Variants in TENM2 observed in about 807,000 individuals in gnomAD.
The protein encoded by TENM2 is teneurin transmembrane protein 2, also known as teneurin-2.
A neutral mutation model predicts 245.2 loss-of-function variants in TENM2; 52 were observed. The observed-to-expected ratio is 0.21, with a 90% CI of 0.17 to 0.27. The LOEUF is 0.27. TENM2 is among the 10% of genes least tolerant of loss of function. The probability of loss-of-function intolerance (pLI) is 1.00; values close to 1 mark genes in which losing one functional copy is unlikely to be tolerated. For synonymous variants in TENM2, 1,363 were observed against 1,438.9 expected, an observed-to-expected ratio of 0.95 and a Z score of 1.19; for missense variants, 3,046 against 3,666.8, an observed-to-expected ratio of 0.83 and a Z score of 4.37.
intron 1 of TENM2, among the ~76,000 whole-genome samples, chr5:167,315,106 T>C (rs905167742): frequency 6.6e-6 from 1 of 152,098 alleles, no homozygotes; most frequent in Non-Finnish European, 1.5e-5. Context: ...TTCATATACA[T>C]TTAGAGTAAG....
intron 13 of TENM2, among the ~76,000 whole-genome samples, chr5:168,181,990 T>G (rs1759943835): frequency 1.3e-5 from 2 of 152,288 alleles, no homozygotes; most frequent in South Asian, 4.1e-4. Flanking sequence ...TTTTACTTCT[T>G]GCAATATTTG....
intron 3 of TENM2, among the ~76,000 whole-genome samples, chr5:167,877,021 A>T (rs1487702880): frequency 1.3e-5 from 2 of 152,156 alleles, no homozygotes; most frequent in African/African-American, 4.8e-5. Flanking sequence ...GAACATCTGA[A>T]CGTAGGAACG....
the TENM2 span, among the ~76,000 whole-genome samples, chr5:167,074,656 C>T: frequency 6.6e-6 from 1 of 152,204 alleles, no homozygotes; most frequent in African/African-American, 2.4e-5. Context: ...GACGTCCAAG[C>T]AACATGTTTT....
chr5:167,925,642 G>A (rs1301400492), intron 3 of TENM2, among the ~76,000 whole-genome samples: 4 of 152,134 alleles, frequency 2.6e-5, no homozygotes, highest in South Asian at 2.1e-4. Flanking sequence ...TTATCATAAA[G>A]AGGCACGCAC....
intron 2 of TENM2, among the ~76,000 whole-genome samples, chr5:167,762,678 C>G (rs1460205646): frequency 6.6e-6 from 1 of 152,232 alleles, no homozygotes; most frequent in African/African-American, 2.4e-5. Context: ...AGATTTACCA[C>G]CACAACTTAC....
chr5:167,026,644 G>A, the TENM2 span, among the ~76,000 whole-genome samples: 6 of 152,138 alleles, frequency 3.9e-5, no homozygotes, highest in East Asian at 1.9e-4. Flanking sequence ...TTTAGCATGC[G>A]CAAGTATGAG....
intron 2 of TENM2, among the ~76,000 whole-genome samples, chr5:167,685,901 A>T (rs915447362): frequency 6.6e-6 from 1 of 152,220 alleles, no homozygotes; most frequent in Non-Finnish European, 1.5e-5. Flanking sequence ...AGCTTGTAGA[A>T]GCAGGTAGTT....
At chr5:167,762,647 T>G (rs1762757460) in intron 2 of TENM2, among the ~76,000 whole-genome samples, 1 of 152,236 alleles carries the variant, frequency 6.6e-6, no homozygotes, top group Admixed American at 6.5e-5. Flanking sequence ...TTCACTTCTG[T>G]GCTTAGGCAA....
At position 167,745,501 on chromosome 5, in the gene TENM2, A is replaced by T. The variant is rs529236465; in HGVS notation, c.503-130485A>T. Among the ~76,000 whole-genome samples the T allele has an allele frequency of 9.8e-4, 149 of 152,306 alleles. 1 individual carries two copies. Among genetic ancestry groups the T allele is most frequent in the African/African-American group, 3.6e-3 (148 of 41,570 alleles). ...CCCTCGGTATTCTCACACACTTTTT[A>T]AAAAATAGCTTTTTGAAGTATAATT... On this transcript the variant is annotated intron_variant, in intron 2 of 28. Transcript: ENST00000518659.
At chr5:167,231,695 C>A in the TENM2 span, among the ~76,000 whole-genome samples, 2 of 152,126 alleles carry the variant, frequency 1.3e-5, no homozygotes, top group East Asian at 1.9e-4. Flanking sequence ...CAAATTGCAG[C>A]CTGACAATGC....
At chr5:168,096,398 A>G (rs1181878475) in intron 8 of TENM2, among the ~76,000 whole-genome samples, 8 of 152,178 alleles carry the variant, frequency 5.3e-5, no homozygotes, top group Non-Finnish European at 1.0e-4. Context: ...TACACAGCCA[A>G]CCTCAAGGAG....
chr5:168,114,187 T>A (rs1436120501), intron 9 of TENM2, among the ~76,000 whole-genome samples: 2 of 152,196 alleles, frequency 1.3e-5, no homozygotes, highest in Non-Finnish European at 2.9e-5. Context: ...GTTACCTCAC[T>A]GAACCCTTCC....
intron 13 of TENM2, among the ~76,000 whole-genome samples, chr5:168,179,087 A>G (rs1044506734): frequency 2.7e-5 from 4 of 149,146 alleles, no homozygotes; most frequent in African/African-American, 9.9e-5. Context: ...GTGAGTCGAG[A>G]TCGAGCCACT....
intron 3 of TENM2, among the ~76,000 whole-genome samples, chr5:167,917,811 C>T (rs748760331): frequency 9.2e-5 from 14 of 152,102 alleles, no homozygotes; most frequent in South Asian, 4.2e-4. Context: ...ATTCAAAGTG[C>T]GTTGACTAGT....
In TENM2 at chr5:168,218,274, T is replaced by C. The variant is rs1409736559; in HGVS notation, c.4383T>C (p.Ile1461=). Residue 1461 remains isoleucine, a synonymous_variant, in exon 23 of 29, where the codon ATT becomes ATC. Coordinates refer to ENST00000518659, the Ensembl canonical transcript of TENM2. The surrounding 1 kb of genome is among the most constrained non-coding windows in gnomAD (Gnocchi z 5.2). ...CCATGCACTGCCAAGTTCCTGGCATTGACTACTCACTCAGCAAACTAGCCA... is the reference window on the plus strand; with the variant it reads ...CCATGCACTGCCAAGTTCCTGGCATCGACTACTCACTCAGCAAACTAGCCA... The C allele has an allele frequency of 5.6e-6, 9 of 1,613,400 alleles. No homozygotes were observed. The highest frequency in any genetic ancestry group is 7.6e-6 in the Non-Finnish European group (9 of 1,179,828).
chr5:167,142,989 A>G, the TENM2 span, among the ~76,000 whole-genome samples: 1 of 152,224 alleles, frequency 6.6e-6, no homozygotes. Context: ...TTCTATCTCT[A>G]CAATGTGTGA....
intron 1 of TENM2, among the ~76,000 whole-genome samples, chr5:167,292,188 G>A (rs1437065350): frequency 6.6e-6 from 1 of 152,174 alleles, no homozygotes; most frequent in Non-Finnish European, 1.5e-5. Flanking sequence ...AATTCAAGAT[G>A]AGATTTGAGT....
At chr5:168,255,328 G>A (rs1480787322) in intron 27 of TENM2, among the ~76,000 whole-genome samples, 1 of 151,740 alleles carries the variant, frequency 6.6e-6, no homozygotes, top group Non-Finnish European at 1.5e-5. Context: ...TTGAGACAGA[G>A]TCTCCCTCTG....
Position 167,838,201 on chromosome 5 carries a change from A to T in TENM2, c.503-37785A>T, listed in dbSNP as rs567078526. On this transcript the variant is annotated intron_variant, in intron 2 of 28. Coordinates refer to ENST00000518659, the Ensembl canonical transcript of TENM2. ...TAGCCACAGAAATGGTCGGCAGTGA[A>T]TATCTGATTACCTGGCTCAAATCTA... Among the ~76,000 whole-genome samples, 13 of 152,354 alleles carry T rather than the reference A, an allele frequency of 8.5e-5. No homozygotes were observed. In the South Asian group the frequency reaches 1.4e-3, roughly 17 times the overall value.
Sources: gnomAD v4.1 joint callset for allele counts (sites outside exome capture counted in the v4.1 genomes callset) on GRCh38, gnomAD v4.1.1 for gene constraint, Gnocchi (gnomAD v3.1) non-coding constraint, MANE v1.5 for transcripts, NCBI Gene and HGNC (gene_info 2026-07-23, HGNC 2026-07-21) for gene names.